The following DDX39B variants were observed in gnomAD, a reference collection of about 807,000 sequenced individuals.
DDX39B encodes DExD-box helicase 39B, also known as spliceosome RNA helicase DDX39B.
In DDX39B, 6 loss-of-function variants were observed where a neutral mutation model predicts 46.4. The ratio of observed to expected loss-of-function variants is 0.13; its 90% CI spans 0.07 to 0.26. The LOEUF (loss-of-function observed/expected upper bound fraction) is 0.26. Ranked by LOEUF, DDX39B falls within the 10% of genes least tolerant of loss-of-function variation. DDX39B has a pLI of 1.00. For missense variants in DDX39B, 185 were observed against 553.4 expected, an observed-to-expected ratio of 0.33 and a Z score of 6.68; for synonymous variants, 174 against 199.4, an observed-to-expected ratio of 0.87 and a Z score of 1.07.
At position 31,540,616 on chromosome 6, in the gene DDX39B, G is replaced by C; in HGVS notation, c.-84C>G. 7.7e-7 allele frequency: 1 copy of C among 1,304,304 alleles called. No individual in the cohort carries two copies. Among genetic ancestry groups the C allele is most frequent in the Non-Finnish European group, 1.1e-6 (1 of 918,840 alleles). The allele number at this position is 1,304,304 out of a possible 1,614,324, so 80.8% of individuals were successfully genotyped here. ...TGAAAACAAGGGGTGAAGAGTAGGG[G>C]ATTGAGGAACAGCAAAGGAAAACAA... On this transcript the variant is annotated 5_prime_UTR_variant, in exon 2 of 11. It adds an upstream start codon to the 5' untranslated region. Coordinates refer to ENST00000396172, the MANE Select transcript of DDX39B (RefSeq NM_004640.7).
In DDX39B at chr6:31,535,805, A is replaced by G. The variant is rs1582947905; in HGVS notation, c.617-320T>C. Among the ~76,000 whole-genome samples, 1 of 152,110 alleles carries G rather than the reference A, an allele frequency of 6.6e-6. No individual in the cohort carries two copies. The highest frequency in any genetic ancestry group is 2.4e-5 in the African/African-American group (1 of 41,398). ...CCAAGCCCCAGCCAGCCTTCAGCAG[A>G]CTACAAATATCAAGCACATATTATA... On this transcript the variant is annotated intron_variant, in intron 5 of 10. Coordinates refer to ENST00000396172, the MANE Select transcript of DDX39B (RefSeq NM_004640.7). The surrounding 1 kb of genome is among the most constrained non-coding windows in gnomAD (Gnocchi z 4.6).
Position 31,540,569 on chromosome 6 carries a change from G to C in DDX39B, c.-37C>G. 1 of 1,608,456 alleles carries C rather than the reference G, an allele frequency of 6.2e-7. No homozygotes were observed. Among genetic ancestry groups the C allele is most frequent in the Non-Finnish European group, 8.5e-7 (1 of 1,176,350 alleles). ...CAGGGGAAGAAGGGAAGGGGGATCT[G>C]GATGGGTTCTCGCAAAATAGGTGAA... is the stretch of plus-strand genomic sequence containing the variant. On this transcript the variant is annotated 5_prime_UTR_variant, in exon 2 of 11. Transcript: ENST00000396172.
At position 31,540,434 on chromosome 6, in the gene DDX39B, C is replaced by T. The variant is rs1226296028; in HGVS notation, c.99G>A (p.Lys33=). 8.7e-6 allele frequency: 14 copies of T among 1,614,094 alleles called. No homozygotes were observed. Among genetic ancestry groups the T allele is most frequent in the African/African-American group, 1.3e-5 (1 of 74,934 alleles). The change falls in exon 2 of 11, where the codon AAG becomes AAA. Residue 33 remains lysine (K), a synonymous_variant. Transcript: ENST00000396172. ...TGGAGACATAGGAGCCCTTGACATC[C>T]TTCTTGGCAGGGGCCTCAGCCCCAT... is the stretch of plus-strand genomic sequence containing the variant. ...GGDGAEAPAK[K]DVKGSYVSIH...
Position 31,530,461 on chromosome 6 carries a change from A to G in DDX39B, c.1271-11T>C. 3.1e-6 allele frequency: 5 copies of G among 1,610,304 alleles called. No homozygotes were observed. Among genetic ancestry groups the G allele is most frequent in the Non-Finnish European group, 4.2e-6 (5 of 1,178,686 alleles). On this transcript the variant is annotated splice_polypyrimidine_tract_variant and intron_variant, in intron 10 of 10. Transcript: ENST00000396172. The surrounding 1 kb of genome is among the most constrained non-coding windows in gnomAD (Gnocchi z 4.5). ...ACCGTGTCTGTTCAACTGAGAAGAA[A>G]ACGTAGCATGGTCAGAATAAGGCAT...
At chr6:31,540,008 C>A (rs539625783) in intron 2 of DDX39B, among the ~76,000 whole-genome samples, 1 of 152,326 alleles carries the variant, frequency 6.6e-6, no homozygotes, top group South Asian at 2.1e-4. Flanking sequence ...TCCTCACTGT[C>A]GCCCCGGCTG....
intron 4 of DDX39B, among the ~76,000 whole-genome samples, chr6:31,538,079 G>A (rs548388317): frequency 2.3e-4 from 35 of 152,104 alleles, no homozygotes; most frequent in African/African-American, 8.0e-4. Flanking sequence ...AACATAAGTC[G>A]ACCAGATTTG....
At chr6:31,536,713 A>G in intron 4 of DDX39B, 30 bp from the exon 5 acceptor site, 3 of 1,608,110 alleles carry the variant, frequency 1.9e-6, no homozygotes, top group Non-Finnish European at 2.5e-6. Flanking sequence ...GAGTCTCAAA[A>G]CAGAGGAAGG....
rs1222519049 is a variant in DDX39B, at chr6:31,531,992, ATTTTTT to A, written c.868-593_868-588del. Among the ~76,000 whole-genome samples the A allele has an allele frequency of 2.0e-5, 3 of 151,682 alleles. No homozygotes were observed. Among genetic ancestry groups the A allele is most frequent in the African/African-American group, 7.3e-5 (3 of 41,314 alleles). ...ACCACCACGCCCAGCTACTTTTTTTATTTTTTATTTTTACTATTTGTAGAGACGGGC... is the reference window on the plus strand; with the variant it reads ...ACCACCACGCCCAGCTACTTTTTTTAATTTTTACTATTTGTAGAGACGGGC... On this transcript the variant is annotated intron_variant, in intron 7 of 10. Transcript: ENST00000396172. The surrounding 1 kb of genome is among the most constrained non-coding windows in gnomAD (Gnocchi z 5.8).
intron 1 of DDX39B, chr6:31,541,703 G>A (rs1346602307): frequency 3.6e-6 from 2 of 549,516 alleles, no homozygotes; most frequent in Non-Finnish European, 7.2e-6. Flanking sequence ...GAACCCATTG[G>A]AAGAAGGGAG....
chr6:31,541,412 A>G, intron 1 of DDX39B: 1 of 370,960 alleles, frequency 2.7e-6, no homozygotes. Context: ...GTCTCACATC[A>G]CTGTTACGCT....
At chr6:31,541,636 A>G in intron 1 of DDX39B, 1 of 482,112 alleles carries the variant, frequency 2.1e-6, no homozygotes, top group South Asian at 1.5e-5. Context: ...GCAAATACCA[A>G]GACCAAGGGA....
chr6:31,540,225 T>C (rs1269446396), intron 2 of DDX39B, 97 bp downstream of exon 2: 1 of 1,354,720 alleles, frequency 7.4e-7, no homozygotes, highest in Non-Finnish European at 1.0e-6. Context: ...TAGCCTTAAG[T>C]ATAAACCCTT....
intron 1 of DDX39B, chr6:31,541,506 G>T: frequency 2.5e-6 from 1 of 392,488 alleles, no homozygotes; most frequent in Admixed American, 3.5e-5. Flanking sequence ...AATTAAGTTG[G>T]GCAAGTCAAG....
rs1433478153 is a variant in DDX39B at position 31,540,539 on chromosome 6, G to A, written c.-7C>T. 2.5e-6 allele frequency: 4 copies of A among 1,613,646 alleles called. No homozygotes were observed. The highest frequency in any genetic ancestry group is 1.3e-5 in the African/African-American group (1 of 75,018). ...CCACATCGTTCTCTGCCATAACTGG[G>A]CCGGCAGGGGAAGAAGGGAAGGGGG... On this transcript the variant is annotated 5_prime_UTR_variant, in exon 2 of 11. Transcript: ENST00000396172.
At position 31,531,410 on chromosome 6, in the gene DDX39B, T is replaced by C; in HGVS notation, c.868-5A>G. ...AGACTTCACAAAGATCACCACCTGT[T>C]GTGGGGTGGGGTGGGGGGTCGCAAA... is the stretch of plus-strand genomic sequence containing the variant. On this transcript the variant is annotated splice_region_variant and splice_polypyrimidine_tract_variant and intron_variant, in intron 7 of 10. Transcript: ENST00000396172. The surrounding 1 kb of genome is among the most constrained non-coding windows in gnomAD (Gnocchi z 5.8). 1 of 1,612,798 alleles carries C rather than the reference T, an allele frequency of 6.2e-7. No homozygotes were observed. Among genetic ancestry groups the C allele is most frequent in the East Asian group, 2.2e-5 (1 of 44,782 alleles).
chr6:31,541,903 CGGAGAA>C (rs1402723510), intron 1 of DDX39B, 41 bp downstream of exon 1: 22 of 635,604 alleles, frequency 3.5e-5, no homozygotes, highest in Non-Finnish European at 6.4e-5. Context: ...GGGATGGGTG[CGGAGAA>C]GCGCAGATGG....
chr6:31,541,597 CAAGG>C, intron 1 of DDX39B: 1 of 472,758 alleles, frequency 2.1e-6, no homozygotes, highest in Non-Finnish European at 4.4e-6. Flanking sequence ...CAAGAAAGGA[CAAGG>C]AAGGTGAGAA....
intron 1 of DDX39B, chr6:31,541,361 G>A (rs550556021): frequency 1.9e-4 from 73 of 376,308 alleles, no homozygotes; most frequent in South Asian, 1.2e-3. Flanking sequence ...GACAGAGAAA[G>A]GCAATCCCCG....
In DDX39B at chr6:31,532,863, A is replaced by G; in HGVS notation, c.784T>C (p.Leu262=). ...DDETKLTLHG[L]QQYYVKLKDN... Reference sequence around the variant, plus strand: ...TTCAGTTTCACGTAGTACTGCTGCAACCCATGCAGCGTCAACTTCGTCTCA... The same window carrying G: ...TTCAGTTTCACGTAGTACTGCTGCAGCCCATGCAGCGTCAACTTCGTCTCA... The change falls in exon 7 of 11, where the codon TTG becomes CTG. Residue 262 remains leucine (L), a synonymous_variant. Transcript: ENST00000396172. 1 of 1,502,672 alleles carries G rather than the reference A, an allele frequency of 6.7e-7. No individual in the cohort carries two copies. The highest frequency in any genetic ancestry group is 1.1e-5 in the South Asian group (1 of 89,692). The allele number at this position is 1,502,672 out of a possible 1,614,324, so 93.1% of individuals were successfully genotyped here.
Sources: allele counts gnomAD v4.1 joint callset (sites outside exome capture counted in the v4.1 genomes callset), GRCh38; gene constraint gnomAD v4.1.1; non-coding constraint Gnocchi (gnomAD v3.1); transcripts MANE v1.5; gene names NCBI Gene and HGNC (gene_info 2026-07-23, HGNC 2026-07-21).